GEN1: variants seen among roughly 807,000 people sequenced by gnomAD.
The protein encoded by GEN1 is GEN1 structure-specific endonuclease.
GEN1 carries 64 observed loss-of-function variants against 67.6 expected under a neutral mutation model. The ratio of observed to expected loss-of-function variants is 0.95; its 90% CI spans 0.77 to 1.17. The LOEUF (loss-of-function observed/expected upper bound fraction) is 1.17, where lower values mean the gene tolerates loss of function less well. GEN1 is among the 50% of genes most tolerant of loss of function. GEN1 has a pLI of 0.00. For missense variants in GEN1, 1,058 were observed against 1,048.3 expected (o/e 1.01, Z -0.13); for synonymous variants, 371 against 359.4 (o/e 1.03, Z -0.37).
intron 4 of GEN1, among the ~76,000 whole-genome samples, chr2:17,765,821 T>G (rs1485264161): frequency 6.6e-6 from 1 of 152,118 alleles, no homozygotes; most frequent in Non-Finnish European, 1.5e-5. Flanking sequence ...TACTTTTACT[T>G]AAAAAACGTA....
At chr2:17,759,645 A>G (rs1488682733) in intron 1 of GEN1, among the ~76,000 whole-genome samples, 1 of 151,714 alleles carries the variant, frequency 6.6e-6, no homozygotes, top group African/African-American at 2.4e-5. Context: ...AAGTATGTAA[A>G]TCAAGGAGTG....
chr2:17,777,685 A>T (rs1481297401), intron 11 of GEN1, among the ~76,000 whole-genome samples: 1 of 152,196 alleles, frequency 6.6e-6, no homozygotes, highest in Non-Finnish European at 1.5e-5. Flanking sequence ...AAATAAAGAG[A>T]TTTAAGAAGA....
chr2:17,755,276 C>A (rs185137513), intron 1 of GEN1: 32 of 152,318 alleles, frequency 2.1e-4, no homozygotes, highest in African/African-American at 7.7e-4. Context: ...TCCTTGATTC[C>A]TAAGTGGGGG....
chr2:17,774,098 A>G (rs960495518), intron 10 of GEN1, among the ~76,000 whole-genome samples, 173 bp from the exon 11 acceptor site: 4 of 152,214 alleles, frequency 2.6e-5, no homozygotes, highest in Admixed American at 1.3e-4. Context: ...CTTCACTCTT[A>G]ATCATTATGC....
At position 17,781,631 on chromosome 2, in the gene GEN1, G is replaced by A. The variant is rs1490292460; in HGVS notation, c.2419G>A (p.Ala807Thr). 1.9e-6 allele frequency: 3 copies of A among 1,613,842 alleles called. No individual in the cohort carries two copies. Among genetic ancestry groups the A allele is most frequent in the African/African-American group, 2.7e-5 (2 of 74,928 alleles). ...CAGACATTCCTCTGATGAACAAAGTGCCCCAGTGTTTGGGAAAGCTAAGTA... is the reference window on the plus strand; with the variant it reads ...CAGACATTCCTCTGATGAACAAAGTACCCCAGTGTTTGGGAAAGCTAAGTA... Reference protein sequence around the residue: ...LDRHSSDEQSAPVFGKAKYTT... With the variant: ...LDRHSSDEQSTPVFGKAKYTT... The change falls in exon 14 of 14, where the codon GCC (alanine) becomes ACC (threonine). Residue 807 changes from alanine to threonine, a missense_variant. Coordinates refer to ENST00000381254, the MANE Select transcript of GEN1 (RefSeq NM_001130009.3).
At position 17,781,055 on chromosome 2, in the gene GEN1, G is replaced by A; in HGVS notation, c.1843G>A (p.Glu615Lys). ...TTCTCATGATTTAAAATCAGAAGTT[G>A]AATCAGAGCTATCAGCCATCCCTGA... Reference protein sequence around the residue: ...TFSHDLKSEVESELSAIPDGF... With the variant: ...TFSHDLKSEVKSELSAIPDGF... Residue 615 changes from glutamate to lysine, a missense_variant, in exon 14 of 14, where the codon GAA becomes AAA. By Grantham distance (56) the Glu-to-Lys change is moderately conservative. Coordinates refer to ENST00000381254, the MANE Select transcript of GEN1 (RefSeq NM_001130009.3). The A allele has an allele frequency of 6.2e-7, 1 of 1,613,808 alleles. No individual in the cohort carries two copies. The highest frequency in any genetic ancestry group is 8.5e-7 in the Non-Finnish European group (1 of 1,179,806).
At chr2:17,778,205 T>TGC in intron 12 of GEN1, 142 bp downstream of exon 12, 1 of 433,816 alleles carries the variant, frequency 2.3e-6, no homozygotes, top group Admixed American at 3.9e-5. Context: ...CACATATATG[T>TGC]GTATATATAT....
chr2:17,772,242 C>G (rs1672224560), intron 7 of GEN1, among the ~76,000 whole-genome samples: 1 of 152,006 alleles, frequency 6.6e-6, no homozygotes, highest in African/African-American at 2.4e-5. Flanking sequence ...AGAAACTATT[C>G]TATTAGAGCT....
At chr2:17,763,100 G>A (rs1671759649) in intron 3 of GEN1, among the ~76,000 whole-genome samples, 1 of 152,056 alleles carries the variant, frequency 6.6e-6, no homozygotes, top group Admixed American at 6.5e-5. Context: ...AGTTCTTTAT[G>A]TATTAAGGAT....
At chr2:17,775,419 A>T (rs1672381621) in intron 11 of GEN1, among the ~76,000 whole-genome samples, 1 of 152,242 alleles carries the variant, frequency 6.6e-6, no homozygotes, top group Non-Finnish European at 1.5e-5. Context: ...GAAGCTAATA[A>T]AAGAAAAGGT....
intron 1 of GEN1, among the ~76,000 whole-genome samples, chr2:17,759,459 C>G (rs1353211349): frequency 6.6e-6 from 1 of 152,166 alleles, no homozygotes; most frequent in African/African-American, 2.4e-5. Context: ...AGCCAACGCC[C>G]TTTTAAGAAA....
chr2:17,775,958 TA>T (rs1672405366), intron 11 of GEN1, among the ~76,000 whole-genome samples: 1 of 151,414 alleles, frequency 6.6e-6, no homozygotes, highest in South Asian at 2.1e-4. Flanking sequence ...CTTCCAAAAA[TA>T]CAAAAAATTA....
chr2:17,772,010 T>A (rs574785748), intron 7 of GEN1, among the ~76,000 whole-genome samples: 1 of 152,236 alleles, frequency 6.6e-6, no homozygotes, highest in South Asian at 2.1e-4. Flanking sequence ...TGATAACTTA[T>A]AAATGACAAT....
chr2:17,773,575 CAA>C (rs1044578203), intron 10 of GEN1, among the ~76,000 whole-genome samples: 7 of 152,042 alleles, frequency 4.6e-5, no homozygotes, highest in East Asian at 3.9e-4. Context: ...GGTTTAATAA[CAA>C]GAGAATGTTA....
At chr2:17,775,360 A>G (rs1186546873) in intron 11 of GEN1, among the ~76,000 whole-genome samples, 2 of 152,194 alleles carry the variant, frequency 1.3e-5, no homozygotes, top group Non-Finnish European at 2.9e-5. Context: ...AATGATCTCA[A>G]AGACTCTCAT....
Position 17,773,121 on chromosome 2 carries a change from C to T in GEN1, c.979C>T (p.Pro327Ser), listed in dbSNP as rs1672270024. The change falls in exon 9 of 14, where the codon CCA becomes TCA. Residue 327 changes from proline (P) to serine (S), a missense_variant. By Grantham distance (74) the Pro-to-Ser change is moderately conservative (BLOSUM62 -1). Transcript: ENST00000381254. Reference protein sequence around the residue: ...KKKACCCEGFPFHEVIQEFLL... With the variant: ...KKKACCCEGFSFHEVIQEFLL... ...GAAAGCTTGCTGTTGTGAGGGATTCCCATTCCATGAGGTAATATCCAGTAA... is the reference window on the plus strand; with the variant it reads ...GAAAGCTTGCTGTTGTGAGGGATTCTCATTCCATGAGGTAATATCCAGTAA... The T allele has an allele frequency of 1.3e-6, 2 of 1,584,324 alleles. No individual in the cohort carries two copies. Among genetic ancestry groups the T allele is most frequent in the South Asian group, 1.1e-5 (1 of 89,814 alleles).
Position 17,780,537 on chromosome 2 carries a change from TCTGAA to T in GEN1, c.1409-80_1409-76del, listed in dbSNP as rs1412924198. On this transcript the variant is annotated intron_variant, in intron 13 of 13. Transcript: ENST00000381254. ...CAGAAACTATTCATAGAGATTTCTC[TCTGAA>T]CTGTTTATTTTTTTATTTTTTACCC... The T allele has an allele frequency of 7.9e-6, 7 of 887,628 alleles. No homozygotes were observed. In the East Asian group the frequency reaches 1.8e-4, roughly 23 times the overall value. 55.0% of individuals were successfully genotyped at this position (887,628 alleles called of 1,614,324 possible). A position where few individuals can be genotyped will look rare whatever the true frequency, so the allele number is the denominator to read the frequency against.
intron 2 of GEN1, among the ~76,000 whole-genome samples, chr2:17,760,795 G>A (rs369640835): frequency 1.5e-3 from 229 of 151,888 alleles, no homozygotes; most frequent in African/African-American, 5.2e-3. Context: ...GGTGGCAGAT[G>A]CCTGTAATCC....
At chr2:17,768,381 A>G (rs1310134247) in intron 5 of GEN1, among the ~76,000 whole-genome samples, 1 of 152,238 alleles carries the variant, frequency 6.6e-6, no homozygotes, top group African/African-American at 2.4e-5. Context: ...TTACAAACAT[A>G]AAGTTAGGTT....
Sources: gnomAD v4.1 joint callset for allele counts (sites outside exome capture counted in the v4.1 genomes callset) on GRCh38, gnomAD v4.1.1 for gene constraint, MANE v1.5 for transcripts, NCBI Gene and HGNC (gene_info 2026-07-23, HGNC 2026-07-21) for gene names.